The following DNM2 variants were observed in gnomAD, a reference collection of about 807,000 sequenced individuals.
DNM2 encodes dynamin-2.
DNM2 carries 15 observed loss-of-function variants against 99.0 expected under a neutral mutation model. That is an observed-to-expected ratio of 0.15 (90% confidence interval 0.10 to 0.23). The LOEUF (loss-of-function observed/expected upper bound fraction) is 0.23, where lower values mean the gene tolerates loss of function less well. Among genes scored for constraint, DNM2 ranks in the 10% least tolerant of loss-of-function variants. The pLI, the probability that DNM2 is intolerant of heterozygous loss-of-function variation, is 1.00. For synonymous variants in DNM2, 525 were observed against 481.2 expected, an observed-to-expected ratio of 1.09 and a Z score of -1.19; for missense variants, 742 against 1,189.4, an observed-to-expected ratio of 0.62 and a Z score of 5.53.
chr19:10,769,154 G>T (rs571490593), intron 2 of DNM2: 1 of 152,322 alleles, frequency 6.6e-6, no homozygotes, highest in African/African-American at 2.4e-5. Context: ...TGCTGGCTAT[G>T]CTCTTCCTGT....
chr19:10,737,172 G>T (rs980543180), intron 1 of DNM2, among the ~76,000 whole-genome samples: 1 of 151,970 alleles, frequency 6.6e-6, no homozygotes, highest in Non-Finnish European at 1.5e-5. Context: ...AATCCTCCCT[G>T]GCCCTCAGTT....
chr19:10,785,971 G>A (rs1347991444), intron 6 of DNM2, among the ~76,000 whole-genome samples: 1 of 151,862 alleles, frequency 6.6e-6, no homozygotes, highest in Admixed American at 6.6e-5. Flanking sequence ...GATAATTTTT[G>A]TATTTTTTGG....
At chr19:10,750,857 C>T (rs1278636376) in intron 1 of DNM2, among the ~76,000 whole-genome samples, 2 of 151,560 alleles carry the variant, frequency 1.3e-5, no homozygotes, top group Admixed American at 6.6e-5. Flanking sequence ...GCTGAGATTG[C>T]GCCACTACAC....
At chr19:10,734,900 T>C (rs2069468401) in intron 1 of DNM2, among the ~76,000 whole-genome samples, 1 of 151,082 alleles carries the variant, frequency 6.6e-6, no homozygotes, top group African/African-American at 2.4e-5. Context: ...TCCTTGTTTT[T>C]TATAACCTTG....
At chr19:10,746,350 G>A (rs1052979001) in intron 1 of DNM2, among the ~76,000 whole-genome samples, 1 of 152,120 alleles carries the variant, frequency 6.6e-6, no homozygotes, top group Non-Finnish European at 1.5e-5. Flanking sequence ...AGGGCCATGG[G>A]GGGCACTTGG....
chr19:10,773,780 T>G (rs2054488425), intron 3 of DNM2, among the ~76,000 whole-genome samples: 1 of 151,966 alleles, frequency 6.6e-6, no homozygotes, highest in Non-Finnish European at 1.5e-5. Context: ...TTCAGCTACT[T>G]TTTTGTATTT....
At chr19:10,747,625 C>G (rs2070036760) in intron 1 of DNM2, among the ~76,000 whole-genome samples, 1 of 152,272 alleles carries the variant, frequency 6.6e-6, no homozygotes, top group Middle Eastern at 3.4e-3. Flanking sequence ...GCCCATTGTT[C>G]TGCAAGCATT....
intron 11 of DNM2, 36 bp downstream of exon 11, chr19:10,798,608 T>G (rs1247220758): frequency 2.5e-6 from 4 of 1,611,154 alleles, no homozygotes. Context: ...GGGTATAATT[T>G]ACATGCAGTA....
chr19:10,771,287 C>G (rs939177518), intron 2 of DNM2, among the ~76,000 whole-genome samples: 1 of 152,204 alleles, frequency 6.6e-6, no homozygotes, highest in Non-Finnish European at 1.5e-5. Context: ...ATCTGTGATT[C>G]GGGACTGGAT....
chr19:10,732,227 A>G lies in DNM2; in HGVS notation c.161+13824A>G, dbSNP rs544659286. 9.1e-5 allele frequency among the ~76,000 whole-genome samples: 13 copies of G among 142,230 alleles called. No homozygotes were observed. In the East Asian group the frequency reaches 3.1e-3, roughly 34 times the overall value. The allele number at this position is 142,230 out of a possible 152,430, so 93.3% of individuals were successfully genotyped here. A position where few individuals can be genotyped will look rare whatever the true frequency, so the allele number is the denominator to read the frequency against. On this transcript the variant is annotated intron_variant, in intron 1 of 20. Transcript: ENST00000389253. ...TTCAGCCTCCCAGAGTGCTGGGATT[A>G]CAGGCATGAGCCACCGCGCCCTTAA... is the stretch of plus-strand genomic sequence containing the variant.
At chr19:10,742,226 G>A (rs1320542675) in intron 1 of DNM2, among the ~76,000 whole-genome samples, 4 of 152,128 alleles carry the variant, frequency 2.6e-5, no homozygotes, top group Non-Finnish European at 4.4e-5. Flanking sequence ...ACCCTGCAAG[G>A]GAGTGCCATG....
intron 12 of DNM2, among the ~76,000 whole-genome samples, chr19:10,805,327 T>C (rs993824204): frequency 1.3e-5 from 2 of 152,076 alleles, no homozygotes; most frequent in Non-Finnish European, 2.9e-5. Context: ...GGTGTTGGGA[T>C]CAAATGATGA....
intron 1 of DNM2, among the ~76,000 whole-genome samples, chr19:10,736,666 A>G (rs2069539021): frequency 6.6e-6 from 1 of 152,092 alleles, no homozygotes; most frequent in Non-Finnish European, 1.5e-5. Flanking sequence ...GTGTGCCAAT[A>G]GTGTTGGGAT....
At chr19:10,747,487 C>T (rs1312325976) in intron 1 of DNM2, among the ~76,000 whole-genome samples, 1 of 152,168 alleles carries the variant, frequency 6.6e-6, no homozygotes, top group Non-Finnish European at 1.5e-5. Context: ...CAAGGGCGGG[C>T]CTCGAGCCGG....
intron 1 of DNM2, among the ~76,000 whole-genome samples, chr19:10,721,585 C>T (rs1164964029): frequency 6.6e-6 from 1 of 152,018 alleles, no homozygotes; most frequent in African/African-American, 2.4e-5. Context: ...TCTTTGTTGC[C>T]GAGGTTGGAG....
chr19:10,786,398 A>AGT, intron 6 of DNM2, 166 bp from the exon 7 acceptor site: 1 of 1,122,062 alleles, frequency 8.9e-7, no homozygotes, highest in Non-Finnish European at 1.3e-6. Context: ...CCCAGACATG[A>AGT]GTGTGTCTGT....
chr19:10,790,209 C>A (rs904503220), intron 7 of DNM2, among the ~76,000 whole-genome samples: 1 of 152,234 alleles, frequency 6.6e-6, no homozygotes, highest in Non-Finnish European at 1.5e-5. Flanking sequence ...CTTGTTAAAG[C>A]AAAGCCTGGA....
intron 5 of DNM2, among the ~76,000 whole-genome samples, chr19:10,779,512 T>C (rs1264875958): frequency 1.6e-5 from 2 of 126,330 alleles, no homozygotes; most frequent in Non-Finnish European, 3.3e-5. Context: ...CTTTTTTTTT[T>C]TTTTTTTTTT....
At chr19:10,808,666 C>T (rs2072438185) in intron 14 of DNM2, 86 bp downstream of exon 14, 1 of 1,474,898 alleles carries the variant, frequency 6.8e-7, no homozygotes, top group African/African-American at 1.4e-5. Flanking sequence ...CCCTGTTCCC[C>T]ATCCCCTCCA....
Sources: allele counts gnomAD v4.1 joint callset (sites outside exome capture counted in the v4.1 genomes callset), GRCh38; gene constraint gnomAD v4.1.1; transcripts MANE v1.5; gene names NCBI Gene and HGNC (gene_info 2026-07-23, HGNC 2026-07-21).